The following MGAT4C variants were observed in gnomAD, a reference collection of about 807,000 sequenced individuals.
The protein encoded by MGAT4C is MGAT4 family member C, also known as alpha-1,3-mannosyl-glycoprotein 4-beta-N-acetylglucosaminyltransferase C.
A neutral mutation model predicts 40.1 loss-of-function variants in MGAT4C; 19 were observed. The ratio of observed to expected loss-of-function variants is 0.47; its 90% CI spans 0.33 to 0.70. The LOEUF is 0.70. Among genes scored for constraint, MGAT4C ranks in the 30% least tolerant of loss-of-function variants. MGAT4C has a pLI of 0.02. For synonymous variants in MGAT4C, 181 were observed against 187.1 expected (o/e 0.97, Z 0.27); for missense variants, 491 against 563.2 (o/e 0.87, Z 1.30).
intron 2 of MGAT4C, among the ~76,000 whole-genome samples, chr12:86,461,363 A>G (rs1255360291): frequency 5.3e-5 from 8 of 150,270 alleles, no homozygotes; most frequent in African/African-American, 2.0e-4. Context: ...CTCCTGCCTC[A>G]GCCTCCCGAG....
intron 1 of MGAT4C, among the ~76,000 whole-genome samples, chr12:86,064,719 C>G (rs1894356439): frequency 6.6e-6 from 1 of 151,942 alleles, no homozygotes; most frequent in African/African-American, 2.4e-5. Context: ...GAGATCAGAG[C>G]AGAACTGAAG....
rs980616842 is a variant in MGAT4C, at chr12:85,973,001, A to C, written c.*6288T>G. The C allele has an allele frequency of 1.3e-5, 2 of 150,934 alleles. No homozygotes were observed. Among genetic ancestry groups the C allele is most frequent in the Non-Finnish European group, 3.0e-5 (2 of 67,094 alleles). The allele number at this position is 150,934 out of a possible 1,614,324, so 9.3% of individuals were successfully genotyped here. A position where few individuals can be genotyped will look rare whatever the true frequency, so the allele number is the denominator to read the frequency against. On this transcript the variant is annotated 3_prime_UTR_variant, in exon 5 of 5. Transcript: ENST00000611864. ...TTCCAATTGGAACATACTATAGACAAAACTGACAGATTATTATTCAATGAG... is the reference window on the plus strand; with the variant it reads ...TTCCAATTGGAACATACTATAGACACAACTGACAGATTATTATTCAATGAG...
chr12:86,156,468 T>C (rs547801680), intron 1 of MGAT4C, among the ~76,000 whole-genome samples: 1 of 150,826 alleles, frequency 6.6e-6, no homozygotes, highest in Admixed American at 6.6e-5. Flanking sequence ...TATTAAGGCA[T>C]GCACCACCAC....
chr12:86,332,920 G>C (rs1954704785), intron 4 of MGAT4C, among the ~76,000 whole-genome samples: 1 of 151,992 alleles, frequency 6.6e-6, no homozygotes, highest in Admixed American at 6.6e-5. Flanking sequence ...GAATCCTTTT[G>C]CTGTTGAAAT....
At chr12:86,803,481 C>A (rs1231518538) in intron 1 of MGAT4C, among the ~76,000 whole-genome samples, 2 of 152,012 alleles carry the variant, frequency 1.3e-5, no homozygotes, top group Non-Finnish European at 2.9e-5. Flanking sequence ...AACAGGCAAC[C>A]TACAACATGG....
intron 2 of MGAT4C, among the ~76,000 whole-genome samples, chr12:86,491,769 C>A (rs201392993): frequency 0.064 from 9,677 of 150,810 alleles, 729 homozygotes; most frequent in East Asian, 0.23. Flanking sequence ...CACTCCTATT[C>A]AACATAGTGT....
chr12:86,803,758 A>T (rs895931173), intron 1 of MGAT4C, among the ~76,000 whole-genome samples: 4 of 149,834 alleles, frequency 2.7e-5, no homozygotes, highest in African/African-American at 9.8e-5. Context: ...TTAAAAAGTC[A>T]GGAAACAACA....
chr12:86,287,685 C>G (rs998374251), intron 4 of MGAT4C, among the ~76,000 whole-genome samples: 5 of 152,170 alleles, frequency 3.3e-5, no homozygotes, highest in Non-Finnish European at 7.3e-5. Flanking sequence ...AGGACATGAA[C>G]TCATCATTTT....
At chr12:86,729,171 C>A (rs1174459494) in intron 1 of MGAT4C, among the ~76,000 whole-genome samples, 1 of 151,972 alleles carries the variant, frequency 6.6e-6, no homozygotes, top group African/African-American at 2.4e-5. Flanking sequence ...TAAGTATAGT[C>A]AAAAATCATT....
At chr12:86,488,322 G>T (rs1350256111) in intron 2 of MGAT4C, among the ~76,000 whole-genome samples, 1 of 151,412 alleles carries the variant, frequency 6.6e-6, no homozygotes. Flanking sequence ...GCTACTCCAG[G>T]AGGCTGAGGC....
At chr12:85,981,317 T>G (rs191976436) in intron 4 of MGAT4C, among the ~76,000 whole-genome samples, 1 of 152,324 alleles carries the variant, frequency 6.6e-6, no homozygotes, top group Non-Finnish European at 1.5e-5. Context: ...AAGCTCATTC[T>G]GATATTAATC....
intron 2 of MGAT4C, among the ~76,000 whole-genome samples, chr12:86,029,695 C>T (rs566247729): frequency 5.3e-5 from 8 of 151,926 alleles, no homozygotes; most frequent in African/African-American, 1.7e-4. Context: ...AATACTGTTG[C>T]CCATGATATT....
intron 1 of MGAT4C, among the ~76,000 whole-genome samples, chr12:86,761,620 CAGG>C (rs1339842876): frequency 6.6e-6 from 1 of 152,138 alleles, no homozygotes; most frequent in African/African-American, 2.4e-5. Flanking sequence ...TCAAGCTGGT[CAGG>C]AGAAGGCTGG....
chr12:86,371,070 T>C lies in MGAT4C; in HGVS notation c.-119-36943A>G, dbSNP rs537470763. ...AAAATTCATACTGAGTCTTACAAGA[T>C]TAATAAAATTGTAAAAGGTGCTCAC... On this transcript the variant is annotated intron_variant, in intron 3 of 7. Coordinates refer to the MGAT4C transcript ENST00000548651. 2.0e-5 allele frequency among the ~76,000 whole-genome samples: 3 copies of C among 152,148 alleles called. No homozygotes were observed. The South Asian group carries it at 6.2e-4, about 32-fold the overall frequency.
chr12:86,147,335 G>C (rs564673800), intron 1 of MGAT4C, among the ~76,000 whole-genome samples: 1 of 151,912 alleles, frequency 6.6e-6, no homozygotes, highest in Non-Finnish European at 1.5e-5. Context: ...TCCACCTCCC[G>C]GGTTCACGTC....
At chr12:86,302,511 C>T (rs1223093893) in intron 4 of MGAT4C, among the ~76,000 whole-genome samples, 1 of 150,474 alleles carries the variant, frequency 6.6e-6, no homozygotes, top group Non-Finnish European at 1.5e-5. Flanking sequence ...GCACTGCAAC[C>T]TCTGCCTCCC....
intron 1 of MGAT4C, among the ~76,000 whole-genome samples, chr12:86,765,877 TG>T (rs1951496697): frequency 6.6e-6 from 1 of 151,890 alleles, no homozygotes; most frequent in African/African-American, 2.4e-5. Flanking sequence ...GCAATAAACA[TG>T]GAAAGGAACA....
intron 2 of MGAT4C, among the ~76,000 whole-genome samples, chr12:86,623,704 T>C (rs1367662511): frequency 2.6e-5 from 4 of 152,158 alleles, no homozygotes; most frequent in Admixed American, 6.6e-5. Flanking sequence ...AAAAGAACAT[T>C]GGCAAAATTG....
intron 2 of MGAT4C, among the ~76,000 whole-genome samples, chr12:86,718,750 T>C (rs569315239): frequency 2.0e-5 from 3 of 152,226 alleles, no homozygotes; most frequent in East Asian, 1.9e-4. Context: ...CAGAACCCTA[T>C]TGTGAACTGT....
Sources: allele counts gnomAD v4.1 joint callset (sites outside exome capture counted in the v4.1 genomes callset), GRCh38; gene constraint gnomAD v4.1.1; transcripts MANE v1.5; gene names NCBI Gene and HGNC (gene_info 2026-07-23, HGNC 2026-07-21).